The following OR5P3 variants were observed in gnomAD, a reference collection of about 807,000 sequenced individuals.
OR5P3 encodes olfactory receptor 5P3.
For missense variants in OR5P3, 415 were observed against 375.6 expected, an observed-to-expected ratio of 1.10 and a Z score of -0.87; for synonymous variants, 172 against 141.8, an observed-to-expected ratio of 1.21 and a Z score of -1.51.
In OR5P3 at chr11:7,825,602, A is replaced by G; in HGVS notation, c.371T>C (p.Val124Ala). 3.1e-6 allele frequency: 5 copies of G among 1,613,140 alleles called. No homozygotes were observed. Among genetic ancestry groups the G allele is most frequent in the Non-Finnish European group, 4.2e-6 (5 of 1,180,014 alleles). ...GTAGAGCAGGGGTGAGCAGATGGCC[A>G]CATAGCGATCATAGGCCATGGCAGC... ...LLAAMAYDRY[V>A]AICSPLLYST... The change falls in exon 2 of 2, where the codon GTG becomes GCG. Residue 124 changes from valine to alanine, a missense_variant. By Grantham distance (64) the Val-to-Ala change is moderately conservative. Transcript: ENST00000641167.
chr11:7,830,757 A>G (rs1281290646), intron 1 of OR5P3, 67 bp downstream of exon 1: 1 of 152,198 alleles, frequency 6.6e-6, no homozygotes. Context: ...AAAAAACTAT[A>G]CCTTAACTTC....
intron 1 of OR5P3, among the ~76,000 whole-genome samples, chr11:7,829,185 T>C (rs1011813159): frequency 6.6e-6 from 1 of 152,162 alleles, no homozygotes; most frequent in African/African-American, 2.4e-5. Flanking sequence ...AAGACCAATA[T>C]GCACCAAAGG....
chr11:7,827,931 C>CA (rs1857763236), intron 1 of OR5P3, among the ~76,000 whole-genome samples: 1 of 151,988 alleles, frequency 6.6e-6, no homozygotes, highest in Non-Finnish European at 1.5e-5. Context: ...GAGCCAGAGC[C>CA]AAAAATCTTC....
At chr11:7,828,969 C>T (rs545310382) in intron 1 of OR5P3, among the ~76,000 whole-genome samples, 23 of 151,646 alleles carry the variant, frequency 1.5e-4, no homozygotes, top group Admixed American at 7.2e-4. Context: ...TTAAACTGAA[C>T]GTGGAGATAT....
intron 1 of OR5P3, among the ~76,000 whole-genome samples, chr11:7,827,304 G>A (rs1857755172): frequency 6.6e-6 from 1 of 152,018 alleles, no homozygotes; most frequent in Non-Finnish European, 1.5e-5. Flanking sequence ...TCTTGAAAGG[G>A]GAATTTTGCA....
At chr11:7,826,072 C>A in intron 1 of OR5P3, 79 bp from the exon 2 acceptor site, 1 of 704,774 alleles carries the variant, frequency 1.4e-6, no homozygotes, top group South Asian at 2.1e-5. Context: ...TCTATTTAAC[C>A]AAAAAGTATA....
At position 7,825,549 on chromosome 11, in the gene OR5P3, T is replaced by G. The variant is rs1182496403; in HGVS notation, c.424A>C (p.Ile142Leu). ...AGGTAGGACATGCCCACTAAGATGATGCAGACTCCAGGGGACATGCAGGTA... is the reference window on the plus strand; with the variant it reads ...AGGTAGGACATGCCCACTAAGATGAGGCAGACTCCAGGGGACATGCAGGTA... ...YSTCMSPGVCIILVGMSYLGG... is the reference protein window; with the variant it reads ...YSTCMSPGVCLILVGMSYLGG... Residue 142 changes from isoleucine to leucine, a missense_variant, in exon 2 of 2, where the codon ATC becomes CTC. Transcript: ENST00000641167. 1 of 1,613,044 alleles carries G rather than the reference T, an allele frequency of 6.2e-7. No homozygotes were observed. The highest frequency in any genetic ancestry group is 8.5e-7 in the Non-Finnish European group (1 of 1,180,024).
chr11:7,826,796 T>C lies in OR5P3; in HGVS notation c.-21-803A>G, dbSNP rs555853876. 2.0e-5 allele frequency among the ~76,000 whole-genome samples: 3 copies of C among 152,334 alleles called. No homozygotes were observed. In the South Asian group the frequency reaches 6.2e-4, roughly 32 times the overall value. ...TACAACTTATACCCAAGACTCTGCATAAGCTGGGGCTAGGTTGCTAACAGA... is the reference window on the plus strand; with the variant it reads ...TACAACTTATACCCAAGACTCTGCACAAGCTGGGGCTAGGTTGCTAACAGA... On this transcript the variant is annotated intron_variant, in intron 1 of 1. Transcript: ENST00000641167.
At position 7,825,082 on chromosome 11, in the gene OR5P3, A is replaced by C. The variant is rs200973033; in HGVS notation, c.891T>G (p.Ile297Met). The change falls in exon 2 of 2, where the codon ATT becomes ATG. Residue 297 changes from isoleucine to methionine, a missense_variant. Coordinates refer to ENST00000641167, the MANE Select transcript of OR5P3 (RefSeq NM_153445.2). ...PLIYSLRNKE[I>M]KGALKRELRI... is the part of the protein sequence containing the mutation. ...TAAGCTCTCTCTTCAGAGCCCCCTT[A>C]ATCTCCTTGTTCCTGAGGCTGTAGA... 2 of 1,614,016 alleles carry C rather than the reference A, an allele frequency of 1.2e-6. No individual in the cohort carries two copies. Among genetic ancestry groups the C allele is most frequent in the Non-Finnish European group, 1.7e-6 (2 of 1,180,020 alleles).
In OR5P3 at chr11:7,825,067, C is replaced by T. The variant is rs1215949088; in HGVS notation, c.906G>A (p.Lys302=). The change falls in exon 2 of 2, where the codon AAG becomes AAA. Residue 302 remains lysine, a synonymous_variant. Coordinates refer to ENST00000641167, the MANE Select transcript of OR5P3 (RefSeq NM_153445.2). ...AAAATATTTTTATTCTAAGCTCTCT[C>T]TTCAGAGCCCCCTTAATCTCCTTGT... The part of the protein sequence containing the change: ...LRNKEIKGAL[K]RELRIKIFS The T allele has an allele frequency of 1.9e-6, 3 of 1,613,928 alleles. No individual in the cohort carries two copies. The highest frequency in any genetic ancestry group is 1.6e-4 in the Middle Eastern group (1 of 6,076).
rs767663640 is a variant in OR5P3, at chr11:7,825,723, T to G, written c.250A>C (p.Ser84Arg). Residue 84 changes from serine (S) to arginine (R), a missense_variant, in exon 2 of 2, where the codon AGC (serine) becomes CGC (arginine). By Grantham distance (110) the Ser-to-Arg change is moderately radical (BLOSUM62 -1). Coordinates refer to ENST00000641167, the MANE Select transcript of OR5P3 (RefSeq NM_153445.2). ...SSSVTPVMLMSFLRKETSLPV... is the reference protein window; with the variant it reads ...SSSVTPVMLMRFLRKETSLPV... ...AGAGAGGTTTCTTTCCTTAGGAAGC[T>G]CATGAGCATGACAGGTGTGACTGAT... The G allele has an allele frequency of 9.3e-6, 15 of 1,613,030 alleles. No homozygotes were observed. The highest frequency in any genetic ancestry group is 1.2e-5 in the Non-Finnish European group (14 of 1,180,036).
In OR5P3 at chr11:7,824,978, CTTA is replaced by C. The variant is rs1394809574; in HGVS notation, c.*56_*58del. ...AATTTTGACCACAAACACTCGGTGT[CTTA>C]TTATTATTATATATAGAATATTAAT... On this transcript the variant is annotated 3_prime_UTR_variant, in exon 2 of 2. Coordinates refer to ENST00000641167, the MANE Select transcript of OR5P3 (RefSeq NM_153445.2). 4.4e-5 allele frequency: 57 copies of C among 1,300,250 alleles called. No individual in the cohort carries two copies. The highest frequency in any genetic ancestry group is 5.4e-5 in the Non-Finnish European group (52 of 966,364). The allele number at this position is 1,300,250 out of a possible 1,614,324, so 80.5% of individuals were successfully genotyped here.
Position 7,825,355 on chromosome 11 carries a change from G to A in OR5P3, c.618C>T (p.Ile206=), listed in dbSNP as rs1299948566. The A allele has an allele frequency of 6.2e-7, 1 of 1,613,160 alleles. No homozygotes were observed. The stretch of plus-strand genomic sequence containing the variant: ...CTATGACACACACAGTGGCCACAAT[G>A]ATAGATCCAGAAGAGATAGCTGGAA... The part of the protein sequence containing the change: ...EIIPAISSGS[I]IVATVCVIAI... The change falls in exon 2 of 2, where the codon ATC becomes ATT. Residue 206 remains isoleucine, a synonymous_variant. Coordinates refer to ENST00000641167, the MANE Select transcript of OR5P3 (RefSeq NM_153445.2).
Position 7,825,051 on chromosome 11 carries a change from T to G in OR5P3, c.922A>C (p.Lys308Gln), listed in dbSNP as rs1254684951. 6.2e-7 allele frequency: 1 copy of G among 1,613,076 alleles called. No homozygotes were observed. The highest frequency in any genetic ancestry group is 8.5e-7 in the Non-Finnish European group (1 of 1,179,736). The change falls in exon 2 of 2, where the codon AAA (lysine) becomes CAA (glutamine). Residue 308 changes from lysine to glutamine, a missense_variant. Lys to Gln is a moderately conservative substitution (Grantham distance 53). Transcript: ENST00000641167. ...AACTAGTTTCATCAAGAAAATATTTTTATTCTAAGCTCTCTCTTCAGAGCC... is the reference window on the plus strand; with the variant it reads ...AACTAGTTTCATCAAGAAAATATTTGTATTCTAAGCTCTCTCTTCAGAGCC... ...KGALKRELRI[K>Q]IFS
intron 1 of OR5P3, among the ~76,000 whole-genome samples, chr11:7,827,447 G>C (rs554524385): frequency 6.6e-6 from 1 of 152,248 alleles, no homozygotes; most frequent in Non-Finnish European, 1.5e-5. Flanking sequence ...GTGAGTGCCT[G>C]ATAGATGAGG....
intron 1 of OR5P3, among the ~76,000 whole-genome samples, chr11:7,826,198 CTTT>C (rs34333595): frequency 1.3e-5 from 2 of 148,432 alleles, no homozygotes; most frequent in Non-Finnish European, 1.5e-5. Flanking sequence ...TCAGAAAAAT[CTTT>C]TTTTTTTTTT....
At chr11:7,827,073 AT>A (rs1201023961) in intron 1 of OR5P3, among the ~76,000 whole-genome samples, 1 of 152,220 alleles carries the variant, frequency 6.6e-6, no homozygotes, top group African/African-American at 2.4e-5. Context: ...AATACACACC[AT>A]TGTCCAACAT....
At position 7,824,818 on chromosome 11, in the gene OR5P3, A is replaced by T. The variant is rs1359388306; in HGVS notation, c.*219T>A. ...ATTTTTTTCATGTGAAACTATTTGCATTCTCAATTATAAATTTAATTAAAT... is the reference window on the plus strand; with the variant it reads ...ATTTTTTTCATGTGAAACTATTTGCTTTCTCAATTATAAATTTAATTAAAT... On this transcript the variant is annotated 3_prime_UTR_variant, in exon 2 of 2. Transcript: ENST00000641167. 3.1e-6 allele frequency: 1 copy of T among 318,774 alleles called. No homozygotes were observed. The allele number at this position is 318,774 out of a possible 1,614,324, so 19.7% of individuals were successfully genotyped here. A position where few individuals can be genotyped will look rare whatever the true frequency, so the allele number is the denominator to read the frequency against.
intron 1 of OR5P3, among the ~76,000 whole-genome samples, chr11:7,828,769 C>T (rs10839880): frequency 0.49 from 75,240 of 152,038 alleles, 22,046 homozygotes; most frequent in Non-Finnish European, 0.64. Context: ...TCACGTAGAT[C>T]CAAAACTGCC....
Sources: gnomAD v4.1 joint callset for allele counts (sites outside exome capture counted in the v4.1 genomes callset) on GRCh38, gnomAD v4.1.1 for gene constraint, MANE v1.5 for transcripts, NCBI Gene and HGNC (gene_info 2026-07-23, HGNC 2026-07-21) for gene names.